The following EML6 variants were observed in gnomAD, a reference collection of about 807,000 sequenced individuals.
EML6 encodes the protein echinoderm microtubule-associated protein-like 6.
In EML6, 154 loss-of-function variants were observed where a neutral mutation model predicts 240.1. That is an observed-to-expected ratio of 0.64 (90% confidence interval 0.56 to 0.73). The LOEUF is 0.73. Ranked by LOEUF, EML6 falls within the 30% of genes least tolerant of loss-of-function variation. The pLI is 0.00. For synonymous variants in EML6, 1,148 were observed against 899.0 expected (o/e 1.28, Z -4.95); for missense variants, 2,964 against 2,474.6 (o/e 1.20, Z -4.20).
intron 2 of EML6, among the ~76,000 whole-genome samples, chr2:54,761,578 G>T (rs996458126): frequency 2.0e-5 from 3 of 152,038 alleles, no homozygotes; most frequent in African/African-American, 7.2e-5. Flanking sequence ...ATTGCAATTT[G>T]GTCAAAAGTG....
rs1558610733 is a variant in EML6 at position 54,849,977 on chromosome 2, A to T, written c.1203A>T (p.Val401=). 6.4e-7 allele frequency: 1 copy of T among 1,551,230 alleles called. No individual in the cohort carries two copies. ...IVLRVRDMTE[V]VHIKDRKEVI... ...ATTCTTACAGAGATATGACAGAAGT[A>T]GTTCACATCAAAGATCGAAAAGAAG... Residue 401 remains valine (V), a synonymous_variant, in exon 10 of 42, where the codon GTA becomes GTT. Transcript: ENST00000356458.
At chr2:54,903,630 C>G in intron 24 of EML6, 128 bp downstream of exon 24, 1 of 771,362 alleles carries the variant, frequency 1.3e-6, no homozygotes, top group Non-Finnish European at 2.0e-6. Flanking sequence ...ACAATATAAA[C>G]GACTGTAATT....
At chr2:54,859,495 T>A (rs1038858598) in intron 11 of EML6, 39 bp from the exon 12 acceptor site, 3 of 1,519,810 alleles carry the variant, frequency 2.0e-6, no homozygotes, top group Non-Finnish European at 1.8e-6. Flanking sequence ...TGAACTCTTC[T>A]TTTTTCATAA....
chr2:54,800,118 G>T (rs1356983376), intron 2 of EML6, among the ~76,000 whole-genome samples: 1 of 152,102 alleles, frequency 6.6e-6, no homozygotes, highest in Admixed American at 6.5e-5. Context: ...GGTGGCACAC[G>T]CCTGTAATCC....
At chr2:54,778,845 T>C (rs559969268) in intron 2 of EML6, among the ~76,000 whole-genome samples, 2 of 142,756 alleles carry the variant, frequency 1.4e-5, no homozygotes, top group South Asian at 4.3e-4. Context: ...TGAGCCGAGA[T>C]TGTGCCACTG....
chr2:54,895,983 T>C (rs1366509139), intron 21 of EML6, among the ~76,000 whole-genome samples: 1 of 152,216 alleles, frequency 6.6e-6, no homozygotes. Context: ...TGCCATATGC[T>C]GTTGGTTAGA....
intron 17 of EML6, among the ~76,000 whole-genome samples, chr2:54,888,540 T>G (rs1672280273): frequency 6.6e-6 from 1 of 152,184 alleles, no homozygotes; most frequent in Non-Finnish European, 1.5e-5. Context: ...CTCTGTATAC[T>G]GTGGCAACCA....
chr2:54,829,505 A>T (rs1358360539), intron 7 of EML6, 28 bp downstream of exon 7: 3 of 1,517,086 alleles, frequency 2.0e-6, no homozygotes, highest in Admixed American at 4.0e-5. Flanking sequence ...CTTACCTGTA[A>T]CTCTGGATGT....
chr2:54,871,634 T>G, intron 16 of EML6, 29 bp downstream of exon 16: 1 of 1,462,196 alleles, frequency 6.8e-7, no homozygotes, highest in Non-Finnish European at 9.4e-7. Flanking sequence ...GACACATGGT[T>G]CTACGTTGAG....
chr2:54,817,468 G>C (rs1444583877), intron 4 of EML6, among the ~76,000 whole-genome samples: 1 of 152,038 alleles, frequency 6.6e-6, no homozygotes, highest in Non-Finnish European at 1.5e-5. Context: ...TATTATCTTG[G>C]TTTCTCTAAA....
rs1288101837 is a variant in EML6, at chr2:54,963,993, TAAAC to T, written c.5168_5171del (p.Asn1723ArgfsTer2). 2 of 1,550,118 alleles carry T rather than the reference TAAAC, an allele frequency of 1.3e-6. No homozygotes were observed. Among genetic ancestry groups the T allele is most frequent in the African/African-American group, 1.4e-5 (1 of 72,956 alleles). On this transcript the variant is annotated frameshift_variant, in exon 37 of 42. Transcript: ENST00000356458. LOFTEE classifies it high-confidence loss of function. ...TCCTTTGCATCAATGTAGAAGCTGT[TAAAC>T]AAGGTGAGCTTGGGCCATGCGGCCA...
rs956811924 is a variant in EML6 at position 54,879,549 on chromosome 2, G to A, written c.2347G>A (p.Asp783Asn). ...RGVCALDFSA[D>N]GKCLVSVGLD... is the part of the protein sequence containing the mutation. Reference sequence around the variant, plus strand: ...ACATTTGTGTTGTTTTCATACAGCCGATGGAAAATGTCTGGTGTCGGTTGG... The same window carrying A: ...ACATTTGTGTTGTTTTCATACAGCCAATGGAAAATGTCTGGTGTCGGTTGG... The change falls in exon 17 of 42, where the codon GAT becomes AAT. Residue 783 changes from aspartate (D) to asparagine (N), a missense_variant and splice_region_variant. Transcript: ENST00000356458. 9.0e-6 allele frequency: 14 copies of A among 1,548,904 alleles called. No individual in the cohort carries two copies. The highest frequency in any genetic ancestry group is 2.0e-5 in the Admixed American group (1 of 50,870).
At chr2:54,955,189 A>G (rs1018482022) in intron 32 of EML6, among the ~76,000 whole-genome samples, 1 of 152,250 alleles carries the variant, frequency 6.6e-6, no homozygotes, top group Non-Finnish European at 1.5e-5. Context: ...ATGGCTGCAC[A>G]GTCAGTATCC....
chr2:54,964,794 C>T (rs1262900979), intron 38 of EML6, 61 bp downstream of exon 38: 3 of 1,483,340 alleles, frequency 2.0e-6, no homozygotes, highest in Admixed American at 2.0e-5. Context: ...ATAACAATGG[C>T]CTATATTAAT....
intron 16 of EML6, among the ~76,000 whole-genome samples, chr2:54,872,020 T>A (rs1310622338): frequency 6.6e-6 from 1 of 152,188 alleles, no homozygotes; most frequent in Non-Finnish European, 1.5e-5. Context: ...TCACTTCTGA[T>A]TGAAAATACA....
At chr2:54,874,871 G>C (rs1671425077) in intron 16 of EML6, among the ~76,000 whole-genome samples, 1 of 152,168 alleles carries the variant, frequency 6.6e-6, no homozygotes, top group Non-Finnish European at 1.5e-5. Context: ...CCTGAAGTTT[G>C]GTGGGGTGGC....
intron 9 of EML6, among the ~76,000 whole-genome samples, chr2:54,848,108 C>T (rs760200258): frequency 6.6e-5 from 10 of 152,128 alleles, no homozygotes; most frequent in Admixed American, 6.5e-4. Context: ...CAGCACCCAA[C>T]AGCACCAGAT....
intron 11 of EML6, among the ~76,000 whole-genome samples, chr2:54,855,145 G>T (rs1331912847): frequency 6.6e-6 from 1 of 152,238 alleles, no homozygotes; most frequent in East Asian, 1.9e-4. Flanking sequence ...AAGTACCTGA[G>T]ACTTGGTAAT....
chr2:54,930,074 T>G (rs1674772335), intron 28 of EML6, among the ~76,000 whole-genome samples: 1 of 152,150 alleles, frequency 6.6e-6, no homozygotes, highest in Non-Finnish European at 1.5e-5. Flanking sequence ...TCACCTGAAG[T>G]ATTCATTCCT....
Sources: gnomAD v4.1 joint callset for allele counts (sites outside exome capture counted in the v4.1 genomes callset) on GRCh38, gnomAD v4.1.1 for gene constraint, MANE v1.5 for transcripts, NCBI Gene and HGNC (gene_info 2026-07-23, HGNC 2026-07-21) for gene names.